The following ANKRD40CL variants were observed in gnomAD, a reference collection of about 807,000 sequenced individuals.
ANKRD40CL encodes the protein ANKRD40 C-terminal like, also known as putative ANKRD40 C-terminal-like protein.
For missense variants in ANKRD40CL, 11 were observed against 6.4 expected (o/e 1.71, Z -0.77); for synonymous variants, 5 against 2.3 (o/e 2.14, Z -1.04).
Position 50,766,877 on chromosome 17 carries a change from C to T in ANKRD40CL, c.37G>A (p.Ala13Thr). The change falls in exon 2 of 4, where the codon GCA becomes ACA. Residue 13 changes from alanine (A) to threonine (T), a missense_variant. Physicochemically the swap from Ala to Thr is moderately conservative, Grantham distance 58 (BLOSUM62 0). Transcript: ENST00000450727. ...EPEQDIGEKP[A>T]VRIQNPKEND... ...GGAACAGGACTCCCAGACTCACCTGCTGGCTTCTCCCCGATGTCCTGTTCC... is the reference window on the plus strand; with the variant it reads ...GGAACAGGACTCCCAGACTCACCTGTTGGCTTCTCCCCGATGTCCTGTTCC... 1 of 661,194 alleles carries T rather than the reference C, an allele frequency of 1.5e-6. No homozygotes were observed. The highest frequency in any genetic ancestry group is 1.7e-5 in the South Asian group (1 of 60,200). 41.0% of individuals were successfully genotyped at this position (661,194 alleles called of 1,614,324 possible).
Position 50,761,330 on chromosome 17 carries a change from T to A in ANKRD40CL, c.*33A>T, listed in dbSNP as rs924688268. On this transcript the variant is annotated 3_prime_UTR_variant, in exon 4 of 4. Transcript: ENST00000450727. The stretch of plus-strand genomic sequence containing the variant: ...CCTAAAGTGCTGGGATTACAGGGGG[T>A]GAGCCACCATGCGCGGCCATTCCTG... The A allele has an allele frequency of 2.3e-5, 9 of 395,256 alleles. No homozygotes were observed. Among genetic ancestry groups the A allele is most frequent in the African/African-American group, 1.7e-4 (8 of 48,324 alleles). 24.5% of individuals were successfully genotyped at this position (395,256 alleles called of 1,614,324 possible). A position where few individuals can be genotyped will look rare whatever the true frequency, so the allele number is the denominator to read the frequency against.
intron 3 of ANKRD40CL, among the ~76,000 whole-genome samples, chr17:50,761,728 C>T (rs898133406): frequency 6.6e-6 from 1 of 152,106 alleles, no homozygotes; most frequent in Non-Finnish European, 1.5e-5. Context: ...CCTCACTTGG[C>T]TCACTGCAAC....
chr17:50,763,317 T>G (rs1971236812), intron 3 of ANKRD40CL, 80 bp downstream of exon 3: 1 of 398,802 alleles, frequency 2.5e-6, no homozygotes, highest in South Asian at 1.3e-4. Flanking sequence ...TGTCATGAAA[T>G]GCAGAAGTGT....
chr17:50,762,164 G>A (rs185572065), intron 3 of ANKRD40CL, among the ~76,000 whole-genome samples: 4 of 152,186 alleles, frequency 2.6e-5, no homozygotes, highest in South Asian at 2.1e-4. Flanking sequence ...CAAGCAATCC[G>A]CCCACCTCGG....
In ANKRD40CL at chr17:50,761,941, A is replaced by AT. The variant is rs111617978; in HGVS notation, c.202-436dup. Among the ~76,000 whole-genome samples the AT allele has an allele frequency of 8.0e-3, 1,169 of 146,562 alleles. 25 individuals carry two copies. The highest frequency in any genetic ancestry group is 0.046 in the Admixed American group (680 of 14,750). On this transcript the variant is annotated intron_variant, in intron 3 of 3. Coordinates refer to ENST00000450727, the MANE Select transcript of ANKRD40CL (RefSeq NM_001358683.3). ...CCCGGTCCCCATAAGATAGTTCTGT[A>AT]TTTTTTTTTTTGAGACAGGGTCTCG... is the stretch of plus-strand genomic sequence containing the variant.
In ANKRD40CL at chr17:50,763,739, T is replaced by G. The variant is rs912805392; in HGVS notation, c.41-182A>C. 1.5e-5 allele frequency: 6 copies of G among 392,430 alleles called. No individual in the cohort carries two copies. In the Admixed American group the frequency reaches 2.7e-4, roughly 17 times the overall value. The allele number at this position is 392,430 out of a possible 1,614,324, so 24.3% of individuals were successfully genotyped here. ...TTTGCATTAGCTGAGGGTTCTTTTC[T>G]TGGAGTGTTGGGCAAGCTCTGGGAT... On this transcript the variant is annotated intron_variant, in intron 2 of 3. Transcript: ENST00000450727.
intron 2 of ANKRD40CL, chr17:50,763,777 T>G (rs1971248182): frequency 2.6e-6 from 1 of 385,592 alleles, no homozygotes; most frequent in South Asian, 1.4e-4. Flanking sequence ...ATGCCCCCAT[T>G]ATATCCACTG....
chr17:50,763,955 C>G, intron 2 of ANKRD40CL: 1 of 392,236 alleles, frequency 2.5e-6, no homozygotes, highest in Non-Finnish European at 4.5e-6. Context: ...CTTAAAGAAG[C>G]TATTGTGCAG....
intron 2 of ANKRD40CL, among the ~76,000 whole-genome samples, chr17:50,765,188 T>TA (rs1971277336): frequency 6.6e-6 from 1 of 152,242 alleles, no homozygotes; most frequent in Non-Finnish European, 1.5e-5. Context: ...TTTTCATACT[T>TA]ATATGTTGAC....
At chr17:50,765,715 A>T (rs1971295726) in intron 2 of ANKRD40CL, among the ~76,000 whole-genome samples, 1 of 152,156 alleles carries the variant, frequency 6.6e-6, no homozygotes, top group Non-Finnish European at 1.5e-5. Context: ...AACTAGCTGG[A>T]TGGGGGTGGG....
At chr17:50,762,122 TG>T (rs1215557499) in intron 3 of ANKRD40CL, among the ~76,000 whole-genome samples, 3 of 152,072 alleles carry the variant, frequency 2.0e-5, no homozygotes, top group African/African-American at 7.2e-5. Context: ...GGTTTCACCA[TG>T]TTGCCCAGGC....
At chr17:50,761,549 A>G (rs995640111) in intron 3 of ANKRD40CL, 43 bp from the exon 4 acceptor site, 1 of 397,122 alleles carries the variant, frequency 2.5e-6, no homozygotes, top group African/African-American at 2.1e-5. Context: ...ATAAATTTGA[A>G]TGTAATAGAA....
At chr17:50,767,344 C>A (rs1056362535) in intron 1 of ANKRD40CL, 119 bp downstream of exon 1, 13 of 364,542 alleles carry the variant, frequency 3.6e-5, no homozygotes, top group South Asian at 6.4e-5. Context: ...GTAAGAAAAA[C>A]CAAACACTTT....
intron 1 of ANKRD40CL, 171 bp downstream of exon 1, chr17:50,767,292 G>A (rs749071523): frequency 7.5e-5 from 32 of 425,258 alleles, no homozygotes; most frequent in Non-Finnish European, 1.3e-4. Context: ...AAGGGGGCCA[G>A]GCCCTCTTTC....
intron 2 of ANKRD40CL, chr17:50,763,850 C>A (rs1971249661): frequency 2.7e-6 from 1 of 370,582 alleles, no homozygotes; most frequent in Non-Finnish European, 4.8e-6. Context: ...GATATTTAAA[C>A]ACATCACCCT....
chr17:50,763,966 A>C (rs1971251778), intron 2 of ANKRD40CL: 1 of 393,544 alleles, frequency 2.5e-6, no homozygotes, highest in Non-Finnish European at 4.5e-6. Flanking sequence ...TATTGTGCAG[A>C]GGAGCAAATC....
At chr17:50,764,115 G>C (rs1971255500) in intron 2 of ANKRD40CL, 1 of 398,564 alleles carries the variant, frequency 2.5e-6, no homozygotes, top group African/African-American at 2.1e-5. Context: ...ATGGAAAGCA[G>C]ATGGTCAGTT....
chr17:50,764,931 GTTGA>G (rs1436344687), intron 2 of ANKRD40CL: 2 of 152,206 alleles, frequency 1.3e-5, no homozygotes, highest in African/African-American at 2.4e-5. Flanking sequence ...CTCCATGAAG[GTTGA>G]TTATTTGAGC....
Position 50,761,343 on chromosome 17 carries a change from G to A in ANKRD40CL, c.*20C>T, listed in dbSNP as rs900407770. ...GATTACAGGGGGTGAGCCACCATGC[G>A]CGGCCATTCCTGGGAGTATTTAATA... On this transcript the variant is annotated 3_prime_UTR_variant, in exon 4 of 4. Coordinates refer to ENST00000450727, the MANE Select transcript of ANKRD40CL (RefSeq NM_001358683.3). 45 of 395,348 alleles carry A rather than the reference G, an allele frequency of 1.1e-4. No individual in the cohort carries two copies. The highest frequency in any genetic ancestry group is 1.0e-3 in the East Asian group (29 of 27,906). 24.5% of individuals were successfully genotyped at this position (395,348 alleles called of 1,614,324 possible).
Sources: gnomAD v4.1 joint callset for allele counts (sites outside exome capture counted in the v4.1 genomes callset) on GRCh38, gnomAD v4.1.1 for gene constraint, MANE v1.5 for transcripts, NCBI Gene and HGNC (gene_info 2026-07-23, HGNC 2026-07-21) for gene names.